Variants in SORCS1 observed in about 807,000 individuals in gnomAD.
SORCS1 encodes VPS10 domain-containing receptor SorCS1.
In SORCS1, 60 loss-of-function variants were observed where a neutral mutation model predicts 146.1. That is an observed-to-expected ratio of 0.41 (90% CI 0.33 to 0.51). SORCS1 has a LOEUF of 0.51. Ranked by LOEUF, SORCS1 falls within the 20% of genes least tolerant of loss-of-function variation. The pLI is 0.21. For missense variants in SORCS1, 1,352 were observed against 1,487.6 expected (o/e 0.91, Z 1.50); for synonymous variants, 637 against 584.0 (o/e 1.09, Z -1.31).
chr10:106,765,482 T>G (rs1859497540), intron 4 of SORCS1, among the ~76,000 whole-genome samples: 1 of 152,102 alleles, frequency 6.6e-6, no homozygotes, highest in Admixed American at 6.5e-5. Context: ...AGGATGAAAT[T>G]GCCAGGGTTA....
intron 4 of SORCS1, among the ~76,000 whole-genome samples, chr10:106,766,746 G>A (rs1021218490): frequency 2.0e-5 from 3 of 152,120 alleles, no homozygotes; most frequent in Admixed American, 6.5e-5. Flanking sequence ...CAAAGAAAAT[G>A]TTGTGTATTA....
intron 18 of SORCS1, among the ~76,000 whole-genome samples, chr10:106,640,639 C>A (rs1849013663): frequency 1.3e-5 from 2 of 152,188 alleles, no homozygotes; most frequent in Non-Finnish European, 2.9e-5. Flanking sequence ...CTGATTGGGG[C>A]CTTTGCCATT....
intron 2 of SORCS1, among the ~76,000 whole-genome samples, chr10:106,834,699 A>C (rs1948712200): frequency 6.6e-6 from 1 of 152,210 alleles, no homozygotes; most frequent in East Asian, 1.9e-4. Flanking sequence ...AAAAAAGGAA[A>C]GGATCTTAAA....
At chr10:107,088,948 ATTAT>A (rs1383009478) in intron 1 of SORCS1, among the ~76,000 whole-genome samples, 4 of 149,852 alleles carry the variant, frequency 2.7e-5, no homozygotes, top group African/African-American at 1.0e-4. Context: ...TGTTATTAAG[ATTAT>A]TTGTTTCTAT....
chr10:107,123,483 G>T (rs113668546), intron 1 of SORCS1, among the ~76,000 whole-genome samples: 2 of 152,164 alleles, frequency 1.3e-5, no homozygotes, highest in Non-Finnish European at 2.9e-5. Flanking sequence ...GTCAAAATTA[G>T]CCCAGTACTT....
intron 1 of SORCS1, among the ~76,000 whole-genome samples, chr10:107,030,287 C>T (rs189695901): frequency 2.6e-5 from 4 of 152,144 alleles, no homozygotes; most frequent in African/African-American, 4.8e-5. Flanking sequence ...AAGCTAAGTA[C>T]TCTATATCCA....
intron 1 of SORCS1, among the ~76,000 whole-genome samples, chr10:106,967,523 T>C (rs1018593421): frequency 1.3e-5 from 2 of 151,896 alleles, no homozygotes; most frequent in African/African-American, 4.8e-5. Context: ...GATAGTAAAA[T>C]AGAAAAATGA....
intron 3 of SORCS1, among the ~76,000 whole-genome samples, chr10:106,777,239 C>T (rs1340828598): frequency 1.3e-5 from 2 of 152,200 alleles, no homozygotes; most frequent in African/African-American, 4.8e-5. Flanking sequence ...CTAGGAATTT[C>T]ACAAAGGCTA....
chr10:107,094,710 G>A (rs1259875724), intron 1 of SORCS1, among the ~76,000 whole-genome samples: 1 of 152,142 alleles, frequency 6.6e-6, no homozygotes, highest in African/African-American at 2.4e-5. Flanking sequence ...ATATCAGAGA[G>A]GACACTATGC....
chr10:106,733,929 C>A (rs1405295837), intron 5 of SORCS1, among the ~76,000 whole-genome samples: 1 of 152,160 alleles, frequency 6.6e-6, no homozygotes, highest in East Asian at 1.9e-4. Flanking sequence ...ACCGGACTCC[C>A]AAAGGCAAGT....
At chr10:106,658,512 C>T (rs955932488) in intron 17 of SORCS1, among the ~76,000 whole-genome samples, 5 of 152,086 alleles carry the variant, frequency 3.3e-5, no homozygotes, top group Non-Finnish European at 7.4e-5. Context: ...AGTTTAATTT[C>T]TTGGCTTGTG....
intron 1 of SORCS1, among the ~76,000 whole-genome samples, chr10:107,045,747 G>T (rs1959324271): frequency 6.7e-6 from 1 of 149,406 alleles, no homozygotes; most frequent in African/African-American, 2.5e-5. Flanking sequence ...TTATGTGTGT[G>T]TATGTGTGTG....
At chr10:107,017,599 A>G (rs1957952211) in intron 1 of SORCS1, among the ~76,000 whole-genome samples, 1 of 152,218 alleles carries the variant, frequency 6.6e-6, no homozygotes, top group Non-Finnish European at 1.5e-5. Flanking sequence ...CTGATCTTCT[A>G]TTGCCTTCTT....
At chr10:107,177,046 A>C in the SORCS1 span, among the ~76,000 whole-genome samples, 9 of 152,306 alleles carry the variant, frequency 5.9e-5, no homozygotes, top group South Asian at 1.9e-3. Flanking sequence ...TCAAATATAC[A>C]TAGAACTGCC....
chr10:106,757,046 C>T (rs940313204), intron 5 of SORCS1, among the ~76,000 whole-genome samples: 1 of 152,142 alleles, frequency 6.6e-6, no homozygotes, highest in East Asian at 1.9e-4. Flanking sequence ...GTCTCAGTGA[C>T]TGGCTTTGTG....
intron 3 of SORCS1, among the ~76,000 whole-genome samples, chr10:106,797,453 C>A (rs1431114374): frequency 6.6e-6 from 1 of 151,916 alleles, no homozygotes; most frequent in Non-Finnish European, 1.5e-5. Context: ...TTCATGAAAA[C>A]CACACAGATT....
intron 2 of SORCS1, among the ~76,000 whole-genome samples, chr10:106,926,878 G>GAA (rs1953066312): frequency 3.3e-5 from 2 of 59,842 alleles, no homozygotes; most frequent in Non-Finnish European, 1.1e-4. Context: ...GAGAGAGAGA[G>GAA]AGAGAGAGAG....
At chr10:106,859,486 C>T (rs773984270) in intron 2 of SORCS1, among the ~76,000 whole-genome samples, 13 of 152,276 alleles carry the variant, frequency 8.5e-5, no homozygotes, top group Non-Finnish European at 1.6e-4. Context: ...CTCCGCCTCC[C>T]GGGCTCAAGC....
intron 2 of SORCS1, among the ~76,000 whole-genome samples, chr10:106,902,051 A>G (rs1348873625): frequency 6.6e-6 from 1 of 152,150 alleles, no homozygotes; most frequent in Non-Finnish European, 1.5e-5. Flanking sequence ...CTCAAAAAAA[A>G]AAAAATTAGA....
Sources: allele counts gnomAD v4.1 joint callset (sites outside exome capture counted in the v4.1 genomes callset), GRCh38; gene constraint gnomAD v4.1.1; transcripts MANE v1.5; gene names NCBI Gene and HGNC (gene_info 2026-07-23, HGNC 2026-07-21).